The following PAICS variants were observed in gnomAD, a reference collection of about 807,000 sequenced individuals.
PAICS encodes the protein bifunctional phosphoribosylaminoimidazole carboxylase/phosphoribosylaminoimidazole succinocarboxamide synthetase.
PAICS carries 33 observed loss-of-function variants against 53.7 expected under a neutral mutation model. The ratio of observed to expected loss-of-function variants is 0.61; its 90% confidence interval spans 0.47 to 0.82. The LOEUF is 0.82. PAICS is among the 40% of genes least tolerant of loss of function. PAICS has a pLI of 0.00. For missense variants in PAICS, 394 were observed against 494.1 expected (o/e 0.80, Z 1.92); for synonymous variants, 141 against 167.2 (o/e 0.84, Z 1.21).
the PAICS span, chr4:56,428,992 A>G: frequency 2.1e-6 from 2 of 975,600 alleles, no homozygotes; most frequent in African/African-American, 1.7e-5. Context: ...TCAAGAGAAA[A>G]GCACATGAAG....
upstream of PAICS, chr4:56,436,125 A>T (rs1379310781): frequency 3.5e-5 from 51 of 1,476,390 alleles, no homozygotes; most frequent in Non-Finnish European, 4.6e-5. Context: ...GTTTCGTCCG[A>T]TATCCGCGTT....
At chr4:56,443,174 ATTTAT>A (rs1718422965) in intron 2 of PAICS, among the ~76,000 whole-genome samples, 1 of 151,952 alleles carries the variant, frequency 6.6e-6, no homozygotes, top group South Asian at 2.1e-4. Context: ...CCATCTATTT[ATTTAT>A]TTTATTTTTT....
chr4:56,449,960 G>C (rs1311272952), intron 5 of PAICS, among the ~76,000 whole-genome samples: 1 of 149,822 alleles, frequency 6.7e-6, no homozygotes, highest in East Asian at 2.0e-4. Context: ...GGTTGACAGA[G>C]CGAGACTCTG....
At chr4:56,436,112 GT>G, upstream of PAICS, 2 of 1,476,916 alleles carry the variant, frequency 1.4e-6, no homozygotes, top group Non-Finnish European at 1.8e-6. Flanking sequence ...CCAGTGGGGC[GT>G]TGTTTCGTCC....
Position 56,463,064 on chromosome 4 carries a change from A to G in PAICS, c.*3526A>G, listed in dbSNP as rs1056875474. 1 of 152,152 alleles carries G rather than the reference A, an allele frequency of 6.6e-6. No individual in the cohort carries two copies. The highest frequency in any genetic ancestry group is 1.5e-5 in the Non-Finnish European group (1 of 68,034). The allele number at this position is 152,152 out of a possible 1,614,324, so 9.4% of individuals were successfully genotyped here. A position where few individuals can be genotyped will look rare whatever the true frequency, so the allele number is the denominator to read the frequency against. Reference sequence around the variant, plus strand: ...ATTGCCATCGGCTGATTTAATTTCTAATATGAAGAAAGGGGCAGTGTGATG... The same window carrying G: ...ATTGCCATCGGCTGATTTAATTTCTGATATGAAGAAAGGGGCAGTGTGATG... On this transcript the variant is annotated 3_prime_UTR_variant, in exon 9 of 9. Transcript: ENST00000512576.
At chr4:56,428,978 A>T in the PAICS span, 6 of 979,704 alleles carry the variant, frequency 6.1e-6, no homozygotes, top group Non-Finnish European at 7.3e-6. Flanking sequence ...AGGAACTTTG[A>T]GCTTCAAGAG....
At chr4:56,438,686 G>A (rs1020461669) in intron 1 of PAICS, among the ~76,000 whole-genome samples, 1 of 152,018 alleles carries the variant, frequency 6.6e-6, no homozygotes, top group Middle Eastern at 3.4e-3. Context: ...TGATCTGCCT[G>A]TCTCAGCCTC....
Position 56,457,996 on chromosome 4 carries a change from A to C in PAICS, c.1112-1376A>C, listed in dbSNP as rs189151953. Among the ~76,000 whole-genome samples, 9 of 152,328 alleles carry C rather than the reference A, an allele frequency of 5.9e-5. No homozygotes were observed. The East Asian group carries it at 1.7e-3, about 29-fold the overall frequency. ...TCTTTAACAAGATGTGATTATACAA[A>C]TGTCTCAAGCTAAAAATCAGCGGCT... On this transcript the variant is annotated intron_variant, in intron 8 of 8. Coordinates refer to ENST00000512576, the MANE Select transcript of PAICS (RefSeq NM_001079524.2).
At chr4:56,452,293 C>T (rs1194364861) in intron 7 of PAICS, among the ~76,000 whole-genome samples, 1 of 152,182 alleles carries the variant, frequency 6.6e-6, no homozygotes, top group African/African-American at 2.4e-5. Flanking sequence ...ATTCTCCTGC[C>T]TCAGCCTCCC....
intron 2 of PAICS, 196 bp from the exon 3 acceptor site, chr4:56,446,499 T>C: frequency 1.5e-6 from 1 of 678,866 alleles, no homozygotes; most frequent in African/African-American, 1.8e-5. Flanking sequence ...GAACAATACA[T>C]TGTATGTATA....
intron 8 of PAICS, among the ~76,000 whole-genome samples, chr4:56,457,662 G>GTTTT (rs756911104): frequency 7.8e-6 from 1 of 127,930 alleles, no homozygotes; most frequent in African/African-American, 2.9e-5. Context: ...TTAGAATTAA[G>GTTTT]TTTTTTTTTT....
upstream of PAICS, among the ~76,000 whole-genome samples, chr4:56,435,183 C>A (rs1460538168): frequency 1.3e-5 from 2 of 152,202 alleles, no homozygotes; most frequent in East Asian, 3.9e-4. Flanking sequence ...AGCGAGGTGC[C>A]CCTCGTGCAC....
chr4:56,436,183 C>T (rs1560654609), upstream of PAICS: 8 of 1,509,138 alleles, frequency 5.3e-6, no homozygotes, highest in Non-Finnish European at 7.1e-6. Flanking sequence ...TAGCGGAGCT[C>T]GAAAAGAGTG....
the PAICS span, among the ~76,000 whole-genome samples, chr4:56,419,184 A>G: frequency 2.5e-4 from 38 of 152,344 alleles, no homozygotes; most frequent in Non-Finnish European, 2.6e-4. Flanking sequence ...AGATAAAGAA[A>G]AAAGAAAGGA....
chr4:56,447,710 T>C (rs1169448259), intron 3 of PAICS, among the ~76,000 whole-genome samples: 2 of 152,210 alleles, frequency 1.3e-5, no homozygotes, highest in African/African-American at 4.8e-5. Flanking sequence ...TTCTTTGAAA[T>C]ACTTTGTGAC....
Position 56,438,600 on chromosome 4 carries a change from A to AT in PAICS, c.16+2281dup, listed in dbSNP as rs111645281. Among the ~76,000 whole-genome samples the AT allele has an allele frequency of 2.0e-3, 297 of 149,862 alleles. 2 individuals carry two copies. The highest frequency in any genetic ancestry group is 6.9e-3 in the African/African-American group (284 of 40,908). ...AGGCACACTCCACCACACCCGGCTA[A>AT]TTTTTTTTTGTATTTTTTAGTAGAG... On this transcript the variant is annotated intron_variant, in intron 1 of 8. Coordinates refer to ENST00000512576, the MANE Select transcript of PAICS (RefSeq NM_001079524.2).
At chr4:56,438,371 T>TTATATATATA (rs61681463) in intron 1 of PAICS, among the ~76,000 whole-genome samples, 11,661 of 110,986 alleles carry the variant, frequency 0.11, 816 homozygotes, top group Non-Finnish European at 0.15. Context: ...TGCAATGTGT[T>TTATATATATA]TATATATATA....
the PAICS span, among the ~76,000 whole-genome samples, chr4:56,427,699 G>A: frequency 3.3e-5 from 5 of 151,580 alleles, no homozygotes; most frequent in East Asian, 1.9e-4. Flanking sequence ...TAAAACCTAG[G>A]AGAATTTAAG....
intron 2 of PAICS, among the ~76,000 whole-genome samples, chr4:56,444,071 G>A (rs1458982047): frequency 6.6e-6 from 1 of 151,978 alleles, no homozygotes; most frequent in African/African-American, 2.4e-5. Flanking sequence ...TCAAATAAAT[G>A]CCTTATCTAG....
Sources: allele counts gnomAD v4.1 joint callset (sites outside exome capture counted in the v4.1 genomes callset), GRCh38; gene constraint gnomAD v4.1.1; transcripts MANE v1.5; gene names NCBI Gene and HGNC (gene_info 2026-07-23, HGNC 2026-07-21).